Variants in FANCM observed in about 807,000 individuals in gnomAD.
The protein encoded by FANCM is Fanconi anemia group M protein.
In FANCM, 140 loss-of-function variants were observed where a neutral mutation model predicts 199.5. The ratio of observed to expected loss-of-function variants is 0.70; its 90% CI spans 0.61 to 0.81. FANCM has a LOEUF of 0.81. Ranked by LOEUF, FANCM falls within the 30% of genes least tolerant of loss-of-function variation. The pLI is 0.00. For synonymous variants in FANCM, 840 were observed against 836.8 expected (o/e 1.00, Z -0.07); for missense variants, 2,410 against 2,421.4 (o/e 1.00, Z 0.10).
intron 8 of FANCM, among the ~76,000 whole-genome samples, chr14:45,157,413 T>TA (rs1887274664): frequency 6.6e-6 from 1 of 152,136 alleles, no homozygotes. Context: ...TATCAACAGT[T>TA]AAGAGTTTGG....
At chr14:45,181,088 G>T (rs1889037072) in intron 14 of FANCM, among the ~76,000 whole-genome samples, 1 of 152,204 alleles carries the variant, frequency 6.6e-6, no homozygotes, top group Admixed American at 6.5e-5. Context: ...AAAGACTGCA[G>T]TAGATTTTAG....
At chr14:45,147,997 A>G (rs960796263) in intron 3 of FANCM, among the ~76,000 whole-genome samples, 1 of 151,824 alleles carries the variant, frequency 6.6e-6, no homozygotes, top group Admixed American at 6.6e-5. Flanking sequence ...GGAGTTCGAG[A>G]CCAGCCTGGC....
In FANCM at chr14:45,176,027, T is replaced by C; in HGVS notation, c.3273T>C (p.Asn1091=). The change falls in exon 14 of 23, where the codon AAT becomes AAC. Residue 1091 remains asparagine, a synonymous_variant. Transcript: ENST00000267430. ...GTGATGTACATAAACATAATCAAAA[T>C]GAAAATTTAGTACCTAACAATCGTG... The part of the protein sequence containing the change: ...CDCDVHKHNQ[N]ENLVPNNRVQ... 1 of 1,613,862 alleles carries C rather than the reference T, an allele frequency of 6.2e-7. No homozygotes were observed. Among genetic ancestry groups the C allele is most frequent in the Non-Finnish European group, 8.5e-7 (1 of 1,179,828 alleles).
At chr14:45,171,691 TTGTG>T (rs3036344) in intron 12 of FANCM, among the ~76,000 whole-genome samples, 1,881 of 145,650 alleles carry the variant, frequency 0.013, 20 homozygotes, top group African/African-American at 0.019. Flanking sequence ...GTAGTCCATG[TTGTG>T]TGTGTGTGTG....
chr14:45,150,377 T>C (rs1220159870), intron 4 of FANCM, among the ~76,000 whole-genome samples: 1 of 152,206 alleles, frequency 6.6e-6, no homozygotes, highest in Non-Finnish European at 1.5e-5. Flanking sequence ...AATTTAATTT[T>C]GTTAGTATTT....
chr14:45,172,989 T>G, intron 12 of FANCM, 66 bp from the exon 13 acceptor site: 1 of 1,255,302 alleles, frequency 8.0e-7, no homozygotes, highest in East Asian at 2.4e-5. Flanking sequence ...ATTGAGTGTT[T>G]TTTAAAATTA....
intron 8 of FANCM, among the ~76,000 whole-genome samples, chr14:45,155,694 G>T (rs1212802534): frequency 1.3e-5 from 2 of 152,240 alleles, no homozygotes; most frequent in African/African-American, 4.8e-5. Flanking sequence ...AGCTACTTGG[G>T]AGGCTGAGGT....
rs1208557968 is a variant in FANCM at position 45,176,649 on chromosome 14, A to G, written c.3895A>G (p.Asn1299Asp). Residue 1299 changes from asparagine to aspartate, a missense_variant, in exon 14 of 23, where the codon AAT becomes GAT. Physicochemically the swap from Asn to Asp is conservative, Grantham distance 23 (BLOSUM62 1). Coordinates refer to ENST00000267430, the MANE Select transcript of FANCM (RefSeq NM_020937.4). The part of the protein sequence containing the change: ...FTSGTVIIPS[N>D]EDMQNPNYVH... The stretch of plus-strand genomic sequence containing the variant: ...TAGTGGAACTGTTATTATCCCATCA[A>G]ATGAAGATATGCAGAATCCAAATTA... The G allele has an allele frequency of 7.4e-6, 12 of 1,613,724 alleles. No homozygotes were observed. The highest frequency in any genetic ancestry group is 1.0e-5 in the Non-Finnish European group (12 of 1,179,802).
chr14:45,137,396 A>T, intron 2 of FANCM, 155 bp downstream of exon 2: 1 of 649,472 alleles, frequency 1.5e-6, no homozygotes, highest in Non-Finnish European at 2.7e-6. Flanking sequence ...GAATATCTGT[A>T]CTTTCTGTCA....
Position 45,199,830 on chromosome 14 carries a change from A to G in FANCM, c.6009-40A>G, listed in dbSNP as rs781430877. The G allele has an allele frequency of 1.4e-5, 23 of 1,600,524 alleles. No individual in the cohort carries two copies. The Admixed American group carries it at 2.7e-4, about 19-fold the overall frequency. ...GTAATATTAAATTTTATAAAAGCCAAAAGTCCTAGTGTAATGATTTTGTCT... is the reference window on the plus strand; with the variant it reads ...GTAATATTAAATTTTATAAAAGCCAGAAGTCCTAGTGTAATGATTTTGTCT... On this transcript the variant is annotated intron_variant, in intron 22 of 22. Transcript: ENST00000267430.
chr14:45,177,274 A>G (rs1888772908), intron 14 of FANCM, among the ~76,000 whole-genome samples: 1 of 152,210 alleles, frequency 6.6e-6, no homozygotes, highest in Non-Finnish European at 1.5e-5. Context: ...TGACATACGT[A>G]TTTGAAAAGA....
chr14:45,176,603 A>G lies in FANCM; in HGVS notation c.3849A>G (p.Arg1283=). 6.2e-7 allele frequency: 1 copy of G among 1,610,198 alleles called. No homozygotes were observed. The highest frequency in any genetic ancestry group is 8.5e-7 in the Non-Finnish European group (1 of 1,178,438). ...TTTCGAATCAAGCACTAATACCAAG[A>G]GATCATAGTAAAAATTTTACTAGTG... ...NYVSNQALIP[R]DHSKNFTSGT... is the part of the protein sequence containing the mutation. The change falls in exon 14 of 23, where the codon AGA becomes AGG. Residue 1283 remains arginine, a synonymous_variant. Coordinates refer to ENST00000267430, the MANE Select transcript of FANCM (RefSeq NM_020937.4).
Position 45,135,961 on chromosome 14 carries a change from A to T in FANCM, c.-71A>T. The T allele has an allele frequency of 1.9e-6, 3 of 1,540,922 alleles. No individual in the cohort carries two copies. Among genetic ancestry groups the T allele is most frequent in the African/African-American group, 1.4e-5 (1 of 73,668 alleles). On this transcript the variant is annotated 5_prime_UTR_variant, in exon 1 of 23. Transcript: ENST00000267430. ...TTTTGTGCGAAGGAAACCGATGGGGATCGGAACCGTAGCGGTTGAGCTGCT... is the reference window on the plus strand; with the variant it reads ...TTTTGTGCGAAGGAAACCGATGGGGTTCGGAACCGTAGCGGTTGAGCTGCT...
In FANCM at chr14:45,136,079, C is replaced by T. The variant is rs2139099562; in HGVS notation, c.48C>T (p.Ile16=). ...RTLFQTWGSS[I]SRSSGTPGCS... ...TTTTTCAGACGTGGGGCTCAAGTAT[C>T]TCCCGATCATCTGGGACTCCGGGTT... Residue 16 remains isoleucine (I), a synonymous_variant, in exon 1 of 23, where the codon ATC becomes ATT. Coordinates refer to ENST00000267430, the MANE Select transcript of FANCM (RefSeq NM_020937.4). 1.2e-6 allele frequency: 2 copies of T among 1,614,048 alleles called. No homozygotes were observed. Among genetic ancestry groups the T allele is most frequent in the Non-Finnish European group, 1.7e-6 (2 of 1,180,022 alleles).
intron 16 of FANCM, among the ~76,000 whole-genome samples, chr14:45,182,651 A>G (rs1164239545): frequency 1.3e-5 from 2 of 152,210 alleles, no homozygotes; most frequent in Non-Finnish European, 2.9e-5. Context: ...GCTGATAGCT[A>G]AATTTTGAGA....
intron 3 of FANCM, among the ~76,000 whole-genome samples, chr14:45,141,868 C>T (rs756880740): frequency 6.6e-6 from 1 of 151,836 alleles, no homozygotes; most frequent in Admixed American, 6.6e-5. Context: ...GGATTTCAGG[C>T]GTGAGCTACT....
rs1172895449 is a variant in FANCM at position 45,196,177 on chromosome 14, T to C, written c.5346T>C (p.Gly1782=). ...CRKFPVPQKD[G]SALEDSSTSG... ...AGTGTTTTCCACTTTTTCAGGATGG[T>C]AGTGCTTTGGAGGATTCTAGCACTT... Residue 1782 remains glycine, a synonymous_variant, in exon 21 of 23, where the codon GGT becomes GGC. Coordinates refer to ENST00000267430, the MANE Select transcript of FANCM (RefSeq NM_020937.4). 1.2e-6 allele frequency: 2 copies of C among 1,614,162 alleles called. No individual in the cohort carries two copies. The highest frequency in any genetic ancestry group is 2.2e-5 in the South Asian group (2 of 91,088).
At chr14:45,192,352 A>G (rs188984358) in intron 20 of FANCM, among the ~76,000 whole-genome samples, 2 of 152,340 alleles carry the variant, frequency 1.3e-5, no homozygotes, top group East Asian at 3.9e-4. Flanking sequence ...GGTAAAAATA[A>G]TTCAGCTGAC....
rs776133776 is a variant in FANCM at position 45,176,907 on chromosome 14, G to T, written c.4153G>T (p.Glu1385Ter). Residue 1385 changes from glutamate to a stop codon, truncating the protein, a stop_gained, in exon 14 of 23, where the codon GAA becomes TAA. Coordinates refer to ENST00000267430, the MANE Select transcript of FANCM (RefSeq NM_020937.4). LOFTEE classifies it high-confidence loss of function. Reference protein sequence around the residue: ...EALNSTFDYSEFSLEKSKSSG... With the variant: ...EALNSTFDYS ...ATTGAATTCAACTTTTGATTATTCA[G>T]AATTTTCTCTAGAAAAGTCTAAAAG... is the stretch of plus-strand genomic sequence containing the variant. 5.0e-6 allele frequency: 8 copies of T among 1,611,850 alleles called. No homozygotes were observed. In the South Asian group the frequency reaches 7.7e-5, roughly 16 times the overall value.
Sources: allele counts gnomAD v4.1 joint callset (sites outside exome capture counted in the v4.1 genomes callset), GRCh38; gene constraint gnomAD v4.1.1; transcripts MANE v1.5; gene names NCBI Gene and HGNC (gene_info 2026-07-23, HGNC 2026-07-21).